The following TBXA2R variants were observed in gnomAD, a reference collection of about 807,000 sequenced individuals.
TBXA2R encodes prostanoid TP receptor.
In TBXA2R, 15 loss-of-function variants were observed where a neutral mutation model predicts 15.6. The observed-to-expected ratio is 0.96, with a 90% CI of 0.64 to 1.48. TBXA2R has a LOEUF of 1.48. TBXA2R is among the 40% of genes most tolerant of loss of function. The probability of loss-of-function intolerance (pLI) is 0.00; values close to 1 mark genes in which losing one functional copy is unlikely to be tolerated. For missense variants in TBXA2R, 506 were observed against 491.4 expected, an observed-to-expected ratio of 1.03 and a Z score of -0.28; for synonymous variants, 280 against 241.2, an observed-to-expected ratio of 1.16 and a Z score of -1.49.
Position 3,600,084 on chromosome 19 carries a change from A to G in TBXA2R, c.551T>C (p.Phe184Ser). 2 of 1,612,424 alleles carry G rather than the reference A, an allele frequency of 1.2e-6. No individual in the cohort carries two copies. The highest frequency in any genetic ancestry group is 1.7e-6 in the Non-Finnish European group (2 of 1,179,704). ...YTVQYPGSWC[F>S]LTLGAESGDV... ...CCCGGACTCGGCGCCCAGCGTCAGG[A>G]AGCACCAGGACCCCGGGTATTGCAC... The change falls in exon 2 of 3, where the codon TTC becomes TCC. Residue 184 changes from phenylalanine (F) to serine (S), a missense_variant. By Grantham distance (155) the Phe-to-Ser change is radical. Transcript: ENST00000375190.
Position 3,595,339 on chromosome 19 carries a change from A to T in TBXA2R, c.*349T>A, listed in dbSNP as rs2032576329. On this transcript the variant is annotated 3_prime_UTR_variant, in exon 3 of 3. Transcript: ENST00000375190. ...GGTTGCAGTGAGCTGAGATTGCGCC[A>T]CTGCACTCCAGCCTGGGGGACAGAG... 7.4e-7 allele frequency: 1 copy of T among 1,352,598 alleles called. No individual in the cohort carries two copies. Among genetic ancestry groups the T allele is most frequent in the Admixed American group, 3.4e-5 (1 of 29,724 alleles). 83.8% of individuals were successfully genotyped at this position (1,352,598 alleles called of 1,614,324 possible). A position where few individuals can be genotyped will look rare whatever the true frequency, so the allele number is the denominator to read the frequency against.
At chr19:3,601,744 T>G (rs938781340) in intron 1 of TBXA2R, among the ~76,000 whole-genome samples, 2 of 150,672 alleles carry the variant, frequency 1.3e-5, no homozygotes, top group Admixed American at 1.3e-4. Flanking sequence ...CTAGCCAACA[T>G]GGTGAAACCC....
Position 3,600,631 on chromosome 19 carries a change from A to C in TBXA2R, c.4T>G (p.Trp2Gly). Reference sequence around the variant, plus strand: ...GGCCCCAGGGAACTGCCGTTGGGCCACATGGCTCCGGAGCCCTGAGGGATC... The same window carrying C: ...GGCCCCAGGGAACTGCCGTTGGGCCCCATGGCTCCGGAGCCCTGAGGGATC... The part of the protein sequence containing the change: M[W>G]PNGSSLGPCF... Residue 2 changes from tryptophan (W) to glycine (G), a missense_variant, in exon 2 of 3, where the codon TGG (tryptophan) becomes GGG (glycine). By Grantham distance (184) the Trp-to-Gly change is radical. Coordinates refer to ENST00000375190, the MANE Select transcript of TBXA2R (RefSeq NM_001060.6). 6.2e-7 allele frequency: 1 copy of C among 1,612,388 alleles called. No homozygotes were observed. The highest frequency in any genetic ancestry group is 8.5e-7 in the Non-Finnish European group (1 of 1,179,722).
Position 3,595,541 on chromosome 19 carries a change from T to G in TBXA2R, c.*147A>C, listed in dbSNP as rs1231658775. The G allele has an allele frequency of 3.5e-6, 5 of 1,435,326 alleles. No homozygotes were observed. The highest frequency in any genetic ancestry group is 4.6e-6 in the Non-Finnish European group (5 of 1,097,478). The allele number at this position is 1,435,326 out of a possible 1,614,324, so 88.9% of individuals were successfully genotyped here. A position where few individuals can be genotyped will look rare whatever the true frequency, so the allele number is the denominator to read the frequency against. ...AGGGAGGAGTTGGGGGTCCCCGGGT[T>G]GGATTGGGGTCAACCCAAAACCCTG... On this transcript the variant is annotated 3_prime_UTR_variant, in exon 3 of 3. Transcript: ENST00000375190.
rs1319119645 is a variant in TBXA2R, at chr19:3,600,627, G to A, written c.8C>T (p.Pro3Leu). 1.2e-6 allele frequency: 2 copies of A among 1,612,506 alleles called. No homozygotes were observed. The highest frequency in any genetic ancestry group is 1.7e-5 in the Admixed American group (1 of 59,968). The change falls in exon 2 of 3, where the codon CCC becomes CTC. Residue 3 changes from proline to leucine, a missense_variant. Transcript: ENST00000375190. ...ACAGGGCCCCAGGGAACTGCCGTTG[G>A]GCCACATGGCTCCGGAGCCCTGAGG... MW[P>L]NGSSLGPCFR...
rs1375926265 is a variant in TBXA2R at position 3,600,216 on chromosome 19, C to A, written c.419G>T (p.Arg140Leu). The change falls in exon 2 of 3, where the codon CGC becomes CTC. Residue 140 changes from arginine to leucine, a missense_variant. Coordinates refer to ENST00000375190, the MANE Select transcript of TBXA2R (RefSeq NM_001060.6). ...RYLGITRPFSRPAVASQRRAW... is the reference protein window; with the variant it reads ...RYLGITRPFSLPAVASQRRAW... ...GCGGCGCTGCGAGGCGACCGCCGGGCGCGAGAAGGGCCGGGTGATACCCAG... is the reference window on the plus strand; with the variant it reads ...GCGGCGCTGCGAGGCGACCGCCGGGAGCGAGAAGGGCCGGGTGATACCCAG... 3 of 1,606,340 alleles carry A rather than the reference C, an allele frequency of 1.9e-6. No homozygotes were observed. The highest frequency in any genetic ancestry group is 1.7e-5 in the Admixed American group (1 of 59,386).
In TBXA2R at chr19:3,600,360, A is replaced by C. The variant is rs1222919807; in HGVS notation, c.275T>G (p.Leu92Arg). The C allele has an allele frequency of 6.2e-7, 1 of 1,613,368 alleles. No individual in the cohort carries two copies. The highest frequency in any genetic ancestry group is 8.5e-7 in the Non-Finnish European group (1 of 1,179,810). Residue 92 changes from leucine to arginine, a missense_variant, in exon 2 of 3, where the codon CTC becomes CGC. By Grantham distance (102) the Leu-to-Arg change is moderately radical. Transcript: ENST00000375190. ...GTIVVSQHAA[L>R]FEWHAVDPGC... ...AGGGTCCACGGCGTGCCACTCGAAG[A>C]GCGCGGCGTGCTGGGACACCACGAT...
At chr19:3,599,745 G>T (rs2032679869) in intron 2 of TBXA2R, 104 bp downstream of exon 2, 3 of 1,504,076 alleles carry the variant, frequency 2.0e-6, no homozygotes, top group African/African-American at 1.4e-5. Flanking sequence ...GGGATTACCG[G>T]CGTGAGCCAC....
In TBXA2R at chr19:3,600,007, G is replaced by A. The variant is rs767661627; in HGVS notation, c.628C>T (p.Leu210=). 1.2e-6 allele frequency: 2 copies of A among 1,610,778 alleles called. No homozygotes were observed. The highest frequency in any genetic ancestry group is 1.7e-5 in the Admixed American group (1 of 59,694). The stretch of plus-strand genomic sequence containing the variant: ...CTGACCGTGTTCAGCAGGAAGGACA[G>A]CCCGACCGAGAGGCCGCCCAGCATG... The part of the protein sequence containing the change: ...FSMLGGLSVG[L]SFLLNTVSVA... The change falls in exon 2 of 3, where the codon CTG becomes TTG. Residue 210 remains leucine, a synonymous_variant. Coordinates refer to ENST00000375190, the MANE Select transcript of TBXA2R (RefSeq NM_001060.6).
intron 1 of TBXA2R, 31 bp from the exon 2 acceptor site, chr19:3,600,748 T>A: frequency 8.1e-7 from 1 of 1,227,390 alleles, no homozygotes; most frequent in Non-Finnish European, 1.2e-6. Context: ...TGCTTGTGAT[T>A]AATTCTGCAT....
chr19:3,604,947 C>T (rs1414002242), intron 1 of TBXA2R, among the ~76,000 whole-genome samples: 3 of 152,292 alleles, frequency 2.0e-5, no homozygotes, highest in Non-Finnish European at 2.9e-5. Flanking sequence ...CGCTCATGGG[C>T]GTGGACCCCC....
At position 3,600,235 on chromosome 19, in the gene TBXA2R, T is replaced by TA; in HGVS notation, c.399dup (p.Ile134TyrfsTer257). The TA allele has an allele frequency of 1.2e-6, 2 of 1,611,220 alleles. No individual in the cohort carries two copies. Among genetic ancestry groups the TA allele is most frequent in the Non-Finnish European group, 1.7e-6 (2 of 1,179,328 alleles). ...GCCGGGCGCGAGAAGGGCCGGGTGA[T>TA]ACCCAGGTAGCGCTCTGAGGCCATG... On this transcript the variant is annotated frameshift_variant, in exon 2 of 3. Transcript: ENST00000375190. LOFTEE classifies it high-confidence loss of function.
At chr19:3,603,152 G>C (rs1001287053) in intron 1 of TBXA2R, among the ~76,000 whole-genome samples, 8 of 152,242 alleles carry the variant, frequency 5.3e-5, no homozygotes, top group Non-Finnish European at 1.0e-4. Flanking sequence ...GGCCTGGGCT[G>C]TGGGGTCGCA....
chr19:3,596,646 T>C (rs1215182192), intron 2 of TBXA2R, among the ~76,000 whole-genome samples: 1 of 151,920 alleles, frequency 6.6e-6, no homozygotes, highest in Non-Finnish European at 1.5e-5. Context: ...TACCTTTTTT[T>C]TTTTTTTGAG....
intron 1 of TBXA2R, among the ~76,000 whole-genome samples, chr19:3,604,267 T>C (rs2238630): frequency 0.59 from 89,399 of 151,866 alleles, 27,175 homozygotes; most frequent in Middle Eastern, 0.66. Flanking sequence ...GGACAGTGAG[T>C]TCTCCCTCAT....
In TBXA2R at chr19:3,600,432, CAG is replaced by C. The variant is rs1400694930; in HGVS notation, c.201_202del (p.Cys68ArgfsTer322). ...CAGGAAGTCGGTGAGGACGAGGCCG[CAG>C]AGGAAGGTGAGGAAGGAGGAGCGCG... On this transcript the variant is annotated frameshift_variant, in exon 2 of 3. Coordinates refer to ENST00000375190, the MANE Select transcript of TBXA2R (RefSeq NM_001060.6). LOFTEE classifies it high-confidence loss of function. 6.2e-7 allele frequency: 1 copy of C among 1,613,288 alleles called. No individual in the cohort carries two copies. Among genetic ancestry groups the C allele is most frequent in the African/African-American group, 1.3e-5 (1 of 75,022 alleles).
Position 3,594,828 on chromosome 19 carries a change from G to C in TBXA2R, c.*860C>G, listed in dbSNP as rs922863748. On this transcript the variant is annotated 3_prime_UTR_variant, in exon 3 of 3. Coordinates refer to ENST00000375190, the MANE Select transcript of TBXA2R (RefSeq NM_001060.6). The stretch of plus-strand genomic sequence containing the variant: ...TTTGGCAAGAAAAGGGGGTGCCCCC[G>C]TTCACATTCAATCCTTTCTGGACAG... 2 of 1,533,888 alleles carry C rather than the reference G, an allele frequency of 1.3e-6. No individual in the cohort carries two copies. Among genetic ancestry groups the C allele is most frequent in the South Asian group, 2.4e-5 (2 of 83,914 alleles).
Position 3,595,642 on chromosome 19 carries a change from C to T in TBXA2R, c.*46G>A. 1 of 1,526,902 alleles carries T rather than the reference C, an allele frequency of 6.5e-7. No individual in the cohort carries two copies. The highest frequency in any genetic ancestry group is 1.3e-5 in the South Asian group (1 of 79,680). The allele number at this position is 1,526,902 out of a possible 1,614,324, so 94.6% of individuals were successfully genotyped here. ...ACAGGCAGATGGGCTGTCCGAGGGGCCAAGGGCTCCGCGGAAAGGCGCGGG... is the reference window on the plus strand; with the variant it reads ...ACAGGCAGATGGGCTGTCCGAGGGGTCAAGGGCTCCGCGGAAAGGCGCGGG... On this transcript the variant is annotated 3_prime_UTR_variant, in exon 3 of 3. Transcript: ENST00000375190.
chr19:3,599,828 C>G, intron 2 of TBXA2R, 21 bp downstream of exon 2: 1 of 1,548,806 alleles, frequency 6.5e-7, no homozygotes, highest in Non-Finnish European at 8.7e-7. Context: ...GGTAGCAGGA[C>G]CCCGCAGAGC....
Sources: gnomAD v4.1 joint callset for allele counts (sites outside exome capture counted in the v4.1 genomes callset) on GRCh38, gnomAD v4.1.1 for gene constraint, MANE v1.5 for transcripts, NCBI Gene and HGNC (gene_info 2026-07-23, HGNC 2026-07-21) for gene names.